The following RSU1 variants were observed in gnomAD, a reference collection of about 807,000 sequenced individuals.
RSU1 encodes rsu-1.
In RSU1, 26 loss-of-function variants were observed where a neutral mutation model predicts 31.1. The ratio of observed to expected loss-of-function variants is 0.84; its 90% CI spans 0.61 to 1.16. The LOEUF (loss-of-function observed/expected upper bound fraction) is 1.16, where lower values mean the gene tolerates loss of function less well. Ranked by LOEUF, RSU1 falls within the 50% of genes most tolerant of loss-of-function variation. The probability of loss-of-function intolerance (pLI) is 0.00; values close to 1 mark genes in which losing one functional copy is unlikely to be tolerated. For missense variants in RSU1, 320 were observed against 339.1 expected, an observed-to-expected ratio of 0.94 and a Z score of 0.44; for synonymous variants, 164 against 136.3, an observed-to-expected ratio of 1.20 and a Z score of -1.41.
At chr10:16,706,321 T>C (rs1225514456) in intron 7 of RSU1, among the ~76,000 whole-genome samples, 2 of 152,236 alleles carry the variant, frequency 1.3e-5, no homozygotes, top group Admixed American at 6.5e-5. Context: ...TATAGCATTG[T>C]AGTTTTCACT....
intron 7 of RSU1, among the ~76,000 whole-genome samples, chr10:16,744,042 A>C (rs1269923058): frequency 1.3e-5 from 2 of 151,802 alleles, no homozygotes; most frequent in African/African-American, 4.8e-5. Context: ...AGGTGCAAGG[A>C]TCACCTGGGC....
At chr10:16,677,905 C>T (rs938111459) in intron 8 of RSU1, among the ~76,000 whole-genome samples, 9 of 151,994 alleles carry the variant, frequency 5.9e-5, no homozygotes, top group African/African-American at 2.2e-4. Context: ...TGCACAAGAA[C>T]AGATTAAACA....
intron 8 of RSU1, among the ~76,000 whole-genome samples, chr10:16,673,956 C>T (rs1489881362): frequency 6.6e-6 from 1 of 152,118 alleles, no homozygotes; most frequent in Non-Finnish European, 1.5e-5. Context: ...GCCAATTTAC[C>T]TTTTATAGGC....
rs758718060 is a variant in RSU1 at position 16,764,418 on chromosome 10, G to T, written c.253C>A (p.Leu85Ile). The T allele has an allele frequency of 6.2e-7, 1 of 1,613,084 alleles. No homozygotes were observed. Among genetic ancestry groups the T allele is most frequent in the East Asian group, 2.2e-5 (1 of 44,872 alleles). Residue 85 changes from leucine to isoleucine, a missense_variant, in exon 4 of 9, where the codon CTT becomes ATT. By Grantham distance (5) the Leu-to-Ile change is conservative. Transcript: ENST00000345264. ...IEELPTQISS[L>I]QKLKHLNLGM... ...AGGTTCAGGTGTTTGAGTTTCTGAA[G>T]GCTACTGATCTGTGTGGGCAGCTCC...
intron 7 of RSU1, among the ~76,000 whole-genome samples, chr10:16,702,204 A>G (rs1411434373): frequency 6.6e-6 from 1 of 152,224 alleles, no homozygotes; most frequent in Admixed American, 6.5e-5. Flanking sequence ...ATGTCCAGGC[A>G]GAAGCCTGCT....
intron 8 of RSU1, among the ~76,000 whole-genome samples, chr10:16,595,650 C>T (rs1833598276): frequency 6.6e-6 from 1 of 152,074 alleles, no homozygotes; most frequent in Admixed American, 6.6e-5. Flanking sequence ...AGACAGTAGC[C>T]CTGTCCTGAC....
At chr10:16,662,974 T>TAA (rs56281639) in intron 8 of RSU1, among the ~76,000 whole-genome samples, 1,667 of 138,870 alleles carry the variant, frequency 0.012, 25 homozygotes, top group African/African-American at 0.035. Context: ...CAGCAATCTT[T>TAA]AAAAAAAAAA....
chr10:16,757,791 A>G (rs1372367241), intron 4 of RSU1, among the ~76,000 whole-genome samples: 1 of 152,240 alleles, frequency 6.6e-6, no homozygotes, highest in African/African-American at 2.4e-5. Flanking sequence ...CAAAGGAAGG[A>G]CAGCAGAGAA....
At chr10:16,726,262 C>G (rs7069573) in intron 7 of RSU1, among the ~76,000 whole-genome samples, 1 of 145,858 alleles carries the variant, frequency 6.9e-6, no homozygotes, top group Admixed American at 6.7e-5. Context: ...ATCTTAGGAA[C>G]GTATCTTTTT....
At chr10:16,718,614 T>C (rs1327907768) in intron 7 of RSU1, among the ~76,000 whole-genome samples, 4 of 142,188 alleles carry the variant, frequency 2.8e-5, no homozygotes, top group African/African-American at 6.2e-5. Flanking sequence ...AAAGTAGGCC[T>C]TCTCAGAATG....
At chr10:16,797,865 T>C (rs112600172) in intron 2 of RSU1, among the ~76,000 whole-genome samples, 6 of 112,756 alleles carry the variant, frequency 5.3e-5, no homozygotes, top group Non-Finnish European at 7.8e-5. Context: ...TCTTTTTTTT[T>C]TTTTTTTTTT....
At chr10:16,785,518 A>G (rs558358764) in intron 2 of RSU1, among the ~76,000 whole-genome samples, 1 of 146,948 alleles carries the variant, frequency 6.8e-6, no homozygotes, top group Admixed American at 6.8e-5. Context: ...ATACATATAT[A>G]TATATATAAT....
chr10:16,611,865 A>G (rs184349700), intron 8 of RSU1, among the ~76,000 whole-genome samples: 8 of 152,360 alleles, frequency 5.3e-5, no homozygotes, highest in South Asian at 4.1e-4. Flanking sequence ...CTTTATGTTC[A>G]GCACCTGTGT....
intron 8 of RSU1, among the ~76,000 whole-genome samples, chr10:16,674,437 T>TTTA (rs1250602689): frequency 1.3e-5 from 2 of 151,396 alleles, no homozygotes; most frequent in Non-Finnish European, 2.9e-5. Flanking sequence ...AACAGAAATG[T>TTTA]TTACACTGCA....
At chr10:16,755,362 AT>A in intron 4 of RSU1, among the ~76,000 whole-genome samples, 1 of 151,740 alleles carries the variant, frequency 6.6e-6, no homozygotes, top group Admixed American at 6.6e-5. Context: ...AGCTCAAGCA[AT>A]CCTCTCACCT....
chr10:16,658,659 G>A (rs1332875776), intron 8 of RSU1, among the ~76,000 whole-genome samples: 2 of 152,200 alleles, frequency 1.3e-5, no homozygotes, highest in Non-Finnish European at 2.9e-5. Context: ...GGGAGGTGGA[G>A]GTTGCAGTAA....
chr10:16,803,622 A>AT (rs1433336226), intron 2 of RSU1, among the ~76,000 whole-genome samples: 1 of 152,212 alleles, frequency 6.6e-6, no homozygotes, highest in Non-Finnish European at 1.5e-5. Context: ...GGAGTTGGTG[A>AT]AACAATAGAC....
At chr10:16,774,554 A>T (rs145693780) in intron 3 of RSU1, among the ~76,000 whole-genome samples, 1 of 152,306 alleles carries the variant, frequency 6.6e-6, no homozygotes, top group African/African-American at 2.4e-5. Context: ...TGGGTGACAG[A>T]GTGAGATCCT....
chr10:16,636,850 C>G lies in RSU1; in HGVS notation c.732-43354G>C, dbSNP rs531565176. ...CTATAACTGCGCAATCTCCTTCCCT[C>G]ACATCCCCTACCCCTCACATTCTTA... On this transcript the variant is annotated intron_variant, in intron 8 of 8. Coordinates refer to ENST00000345264, the MANE Select transcript of RSU1 (RefSeq NM_012425.4). Among the ~76,000 whole-genome samples, 125 of 152,300 alleles carry G rather than the reference C, an allele frequency of 8.2e-4. 2 individuals carry two copies. Among genetic ancestry groups the G allele is most frequent in the Admixed American group, 1.6e-3 (25 of 15,292 alleles).
Sources: allele counts gnomAD v4.1 joint callset (sites outside exome capture counted in the v4.1 genomes callset), GRCh38; gene constraint gnomAD v4.1.1; transcripts MANE v1.5; gene names NCBI Gene and HGNC (gene_info 2026-07-23, HGNC 2026-07-21).